The following LYST variants were observed in gnomAD, a reference collection of about 807,000 sequenced individuals.
The protein encoded by LYST is lysosomal trafficking regulator.
Under a neutral mutation model 413.6 loss-of-function variants are expected in LYST, and 192 were observed. The observed-to-expected ratio is 0.46, with a 90% CI of 0.41 to 0.52. The LOEUF (loss-of-function observed/expected upper bound fraction) is 0.52, where lower values mean the gene tolerates loss of function less well. Among genes scored for constraint, LYST ranks in the 20% least tolerant of loss-of-function variants. LYST has a pLI of 0.00. For synonymous variants in LYST, 1,525 were observed against 1,567.3 expected (o/e 0.97, Z 0.64); for missense variants, 3,815 against 4,499.9 (o/e 0.85, Z 4.35).
At position 235,770,170 on chromosome 1, in the gene LYST, T is replaced by C. The variant is rs140670050; in HGVS notation, c.5912A>G (p.Gln1971Arg). 4.3e-6 allele frequency: 7 copies of C among 1,613,308 alleles called. No homozygotes were observed. The highest frequency in any genetic ancestry group is 5.9e-6 in the Non-Finnish European group (7 of 1,179,746). ...QVVHHFLLTC[Q>R]VLQEYKEGQL... ...TTACATGAAAAGTACCTGCAAAACC[T>C]GACAAGTCAGTAGAAAGTGATGAAC... The change falls in exon 20 of 53, where the codon CAG (glutamine) becomes CGG (arginine). Residue 1971 changes from glutamine to arginine, a missense_variant. Gln to Arg is a conservative substitution (Grantham distance 43, BLOSUM62 1). Coordinates refer to ENST00000389793, the MANE Select transcript of LYST (RefSeq NM_000081.4).
At chr1:235,833,729 G>T in intron 1 of LYST, 62 bp from the exon 2 acceptor site, 1 of 280,038 alleles carries the variant, frequency 3.6e-6, no homozygotes, top group Non-Finnish European at 5.4e-6. Flanking sequence ...ACAAAGTTGT[G>T]ACATAATCAG....
Position 235,701,142 on chromosome 1 carries a change from A to G in LYST, c.10374+1605T>C, listed in dbSNP as rs1358296580. Among the ~76,000 whole-genome samples the G allele has an allele frequency of 2.0e-5, 3 of 152,196 alleles. 1 individual carries two copies. The highest frequency in any genetic ancestry group is 2.0e-4 in the Admixed American group (3 of 15,276). On this transcript the variant is annotated intron_variant, in intron 45 of 52. Coordinates refer to ENST00000389793, the MANE Select transcript of LYST (RefSeq NM_000081.4). The stretch of plus-strand genomic sequence containing the variant: ...CTGGGGATATATCTGGGGAGTGGTT[A>G]TTCCAGGTGGAGCAAAGAGTCATCA...
chr1:235,785,846 G>A (rs1670358947), intron 14 of LYST, among the ~76,000 whole-genome samples: 1 of 152,060 alleles, frequency 6.6e-6, no homozygotes, highest in Non-Finnish European at 1.5e-5. Context: ...ATACCTTATA[G>A]TTCCTACAGG....
intron 1 of LYST, among the ~76,000 whole-genome samples, chr1:235,872,496 G>A (rs575829422): frequency 1.3e-5 from 2 of 152,154 alleles, no homozygotes; most frequent in South Asian, 2.1e-4. Context: ...TGTCTGTTCC[G>A]ATTCTTCTTG....
intron 16 of LYST, 34 bp downstream of exon 16, chr1:235,780,831 C>T: frequency 1.1e-6 from 1 of 891,420 alleles, no homozygotes; most frequent in Non-Finnish European, 1.7e-6. Context: ...AATACATTTA[C>T]TATAAAATTA....
At chr1:235,844,162 C>T (rs1677523038) in intron 1 of LYST, among the ~76,000 whole-genome samples, 1 of 152,080 alleles carries the variant, frequency 6.6e-6, no homozygotes, top group Non-Finnish European at 1.5e-5. Flanking sequence ...TTCTAAATCC[C>T]AGCTCTCCAG....
rs1221940973 is a variant in LYST, at chr1:235,702,748, G to A, written c.10373C>T (p.Pro3458Leu). The part of the protein sequence containing the change: ...TREQVKEITY[P>L]SPLSWIKGLK... Reference sequence around the variant, plus strand: ...TCGATTGAAATCCAAATGACATACCGGATAGGTGATTTCTTTGACCTGTTC... The same window carrying A: ...TCGATTGAAATCCAAATGACATACCAGATAGGTGATTTCTTTGACCTGTTC... Residue 3458 changes from proline to leucine, a missense_variant and splice_region_variant, in exon 45 of 53, where the codon CCG becomes CTG. Pro to Leu is a moderately conservative substitution (Grantham distance 98). This residue lies in a region of LYST where 866 missense variants were observed against 1,156.0 expected (regional missense o/e 0.75). Coordinates refer to ENST00000389793, the MANE Select transcript of LYST (RefSeq NM_000081.4). 7.4e-6 allele frequency: 12 copies of A among 1,612,776 alleles called. No homozygotes were observed. Among genetic ancestry groups the A allele is most frequent in the East Asian group, 2.2e-5 (1 of 44,898 alleles).
At chr1:235,792,163 C>T (rs570091171) in intron 11 of LYST, 38 bp from the exon 12 acceptor site, 50 of 1,308,800 alleles carry the variant, frequency 3.8e-5, no homozygotes, top group African/African-American at 3.2e-4. Context: ...TTTCTAATCA[C>T]GTAATAAAGT....
intron 8 of LYST, among the ~76,000 whole-genome samples, chr1:235,802,175 C>A (rs1031161883): frequency 2.4e-4 from 26 of 109,292 alleles, no homozygotes; most frequent in Non-Finnish European, 3.5e-4. Flanking sequence ...GCCTGGGCGA[C>A]AGAGCAAGAC....
chr1:235,788,217 T>C (rs1670629107), intron 13 of LYST, among the ~76,000 whole-genome samples: 1 of 152,214 alleles, frequency 6.6e-6, no homozygotes. Flanking sequence ...TGGAGTGCAG[T>C]GGCGCGATCT....
In LYST at chr1:235,806,204, G is replaced by C. The variant is rs767473828; in HGVS notation, c.2932C>G (p.Gln978Glu). ...RWIYMLSSVF[Q>E]KQFYRLGGFR... is the part of the protein sequence containing the mutation. ...CCACCAAGCCTATAAAACTGTTTCTGGAACACTGAACTCAACATGTAGATC... is the reference window on the plus strand; with the variant it reads ...CCACCAAGCCTATAAAACTGTTTCTCGAACACTGAACTCAACATGTAGATC... The change falls in exon 6 of 53, where the codon CAG (glutamine) becomes GAG (glutamate). Residue 978 changes from glutamine to glutamate, a missense_variant. Gln to Glu is a conservative substitution (Grantham distance 29, BLOSUM62 2). Transcript: ENST00000389793. 6.2e-7 allele frequency: 1 copy of C among 1,613,726 alleles called. No individual in the cohort carries two copies. Among genetic ancestry groups the C allele is most frequent in the South Asian group, 1.1e-5 (1 of 91,064 alleles).
upstream of LYST, chr1:235,866,971 C>A (rs1680630202): frequency 1.3e-5 from 2 of 152,308 alleles, no homozygotes; most frequent in African/African-American, 2.4e-5. Context: ...ACCGAGAACA[C>A]CACCCCCTCC....
At chr1:235,667,624 T>C (rs1174979624) in intron 50 of LYST, among the ~76,000 whole-genome samples, 1 of 152,094 alleles carries the variant, frequency 6.6e-6, no homozygotes, top group Non-Finnish European at 1.5e-5. Flanking sequence ...TGATATAAAA[T>C]GGTGTAGTAT....
intron 1 of LYST, among the ~76,000 whole-genome samples, chr1:235,877,393 A>C (rs1192685656): frequency 6.6e-6 from 1 of 152,178 alleles, no homozygotes; most frequent in Non-Finnish European, 1.5e-5. Flanking sequence ...TAAACAGTTC[A>C]CTTATGGTCA....
chr1:235,695,102 T>C (rs1660980930), intron 46 of LYST, among the ~76,000 whole-genome samples: 1 of 152,176 alleles, frequency 6.6e-6, no homozygotes, highest in Admixed American at 6.5e-5. Context: ...GTGTATGTAG[T>C]AAACACTGAC....
At chr1:235,801,642 T>C (rs575417594) in intron 8 of LYST, among the ~76,000 whole-genome samples, 41 of 152,336 alleles carry the variant, frequency 2.7e-4, no homozygotes, top group Admixed American at 1.5e-3. Context: ...AAGAAATTTA[T>C]AAATTTCTAC....
At position 235,791,685 on chromosome 1, in the gene LYST, T is replaced by A. The variant is rs760385685; in HGVS notation, c.4543+14A>T. 8 of 1,594,376 alleles carry A rather than the reference T, an allele frequency of 5.0e-6. No individual in the cohort carries two copies. In the South Asian group the frequency reaches 8.8e-5, roughly 18 times the overall value. On this transcript the variant is annotated intron_variant, in intron 12 of 52. Transcript: ENST00000389793. The stretch of plus-strand genomic sequence containing the variant: ...CAATCTTTGTGTACAAATCAGATAA[T>A]CCTGTCATCATACCTGTACCATCAA...
intron 29 of LYST, among the ~76,000 whole-genome samples, chr1:235,745,134 G>A (rs1665791036): frequency 1.3e-5 from 2 of 151,940 alleles, no homozygotes; most frequent in Admixed American, 1.3e-4. Context: ...ATATAATTAA[G>A]GTGTTTTGAT....
intron 1 of LYST, among the ~76,000 whole-genome samples, chr1:235,875,057 A>AT (rs1200958138): frequency 2.6e-5 from 4 of 152,184 alleles, no homozygotes; most frequent in Admixed American, 1.3e-4. Flanking sequence ...TCCCCGGGTG[A>AT]TTTATATGTA....
Sources: allele counts gnomAD v4.1 joint callset (sites outside exome capture counted in the v4.1 genomes callset), GRCh38; gene constraint gnomAD v4.1.1; regional missense constraint gnomAD v4.1.1; transcripts MANE v1.5; gene names NCBI Gene and HGNC (gene_info 2026-07-23, HGNC 2026-07-21).